The following NCOR1 variants were observed in gnomAD, a reference collection of about 807,000 sequenced individuals.
NCOR1 encodes the protein protein phosphatase 1, regulatory subunit 109.
A neutral mutation model predicts 288.1 loss-of-function variants in NCOR1; 63 were observed. The observed-to-expected ratio is 0.22, with a 90% CI of 0.18 to 0.27. The LOEUF (loss-of-function observed/expected upper bound fraction) is 0.27. Ranked by LOEUF, NCOR1 falls within the 10% of genes least tolerant of loss-of-function variation. The pLI is 1.00. For missense variants in NCOR1, 2,397 were observed against 3,019.2 expected, an observed-to-expected ratio of 0.79 and a Z score of 4.83; for synonymous variants, 1,007 against 1,065.9, an observed-to-expected ratio of 0.94 and a Z score of 1.08.
At chr17:16,182,505 A>T (rs1352086311) in intron 3 of NCOR1, among the ~76,000 whole-genome samples, 1 of 152,124 alleles carries the variant, frequency 6.6e-6, no homozygotes, top group East Asian at 1.9e-4. Flanking sequence ...CCCAGGATGG[A>T]GTCCAGTGGC....
chr17:16,201,784 T>C (rs1194138926), intron 1 of NCOR1, among the ~76,000 whole-genome samples: 2 of 151,878 alleles, frequency 1.3e-5, no homozygotes, highest in African/African-American at 2.4e-5. Flanking sequence ...ACTCAACTTA[T>C]AAGAACAAAC....
intron 1 of NCOR1, among the ~76,000 whole-genome samples, chr17:16,207,000 G>A (rs2091587212): frequency 6.6e-6 from 1 of 151,998 alleles, no homozygotes; most frequent in Non-Finnish European, 1.5e-5. Context: ...GATTTTGTGT[G>A]AATATAAAGT....
At chr17:16,117,169 A>G (rs1367072139) in intron 18 of NCOR1, among the ~76,000 whole-genome samples, 1 of 152,218 alleles carries the variant, frequency 6.6e-6, no homozygotes, top group Non-Finnish European at 1.5e-5. Context: ...AATGTCTAAT[A>G]TACCAAATCA....
chr17:16,076,665 C>G (rs1294673754), intron 26 of NCOR1, among the ~76,000 whole-genome samples: 1 of 152,148 alleles, frequency 6.6e-6, no homozygotes, highest in Non-Finnish European at 1.5e-5. Context: ...AACAACAAAC[C>G]ATTTCTCAAC....
chr17:16,052,765 G>T (rs889356567), intron 40 of NCOR1, among the ~76,000 whole-genome samples: 1 of 152,138 alleles, frequency 6.6e-6, no homozygotes, highest in Non-Finnish European at 1.5e-5. Flanking sequence ...GCATCATCCT[G>T]ATACCAAAAC....
Position 16,075,598 on chromosome 17 carries a change from C to T in NCOR1, c.3606G>A (p.Glu1202=), listed in dbSNP as rs2152769722. 3 of 1,614,244 alleles carry T rather than the reference C, an allele frequency of 1.9e-6. No homozygotes were observed. The highest frequency in any genetic ancestry group is 1.1e-5 in the South Asian group (1 of 91,090). The change falls in exon 27 of 46, where the codon GAG becomes GAA. Residue 1202 remains glutamate, a synonymous_variant. Transcript: ENST00000268712. ...TAACATGGCCTTTGGATGCAGCTTCCTCTCTGCCTTTCTCAGGACTGCTGT... is the reference window on the plus strand; with the variant it reads ...TAACATGGCCTTTGGATGCAGCTTCTTCTCTGCCTTTCTCAGGACTGCTGT... The part of the protein sequence containing the change: ...IEDSSPEKGR[E]EAASKGHVIY...
At position 16,121,108 on chromosome 17, in the gene NCOR1, G is replaced by C; in HGVS notation, c.1796C>G (p.Ala599Gly). 1.2e-6 allele frequency: 2 copies of C among 1,614,130 alleles called. No homozygotes were observed. Among genetic ancestry groups the C allele is most frequent in the Non-Finnish European group, 1.7e-6 (2 of 1,179,990 alleles). ...GGGCTCTTCAGTAGCCGCTGCGGCT[G>C]CAGCACTGGCAGCTGCAGCTTCGTT... ...MTNEAAAASA[A>G]AAAATEEPPP... Residue 599 changes from alanine to glycine, a missense_variant, in exon 16 of 46, where the codon GCA becomes GGA. By Grantham distance (60) the Ala-to-Gly change is moderately conservative. Transcript: ENST00000268712.
intron 18 of NCOR1, 27 bp from the exon 19 acceptor site, chr17:16,108,939 T>C (rs776818911): frequency 5.8e-5 from 88 of 1,516,028 alleles, no homozygotes; most frequent in Non-Finnish European, 7.7e-5. Flanking sequence ...TATTATTTGA[T>C]TTAAATAACT....
At chr17:16,112,569 C>T (rs2070519788) in intron 18 of NCOR1, among the ~76,000 whole-genome samples, 1 of 152,160 alleles carries the variant, frequency 6.6e-6, no homozygotes, top group African/African-American at 2.4e-5. Flanking sequence ...GATCTCAGCT[C>T]ACTGCAACCT....
chr17:16,170,793 AT>A (rs2082999681), intron 4 of NCOR1, among the ~76,000 whole-genome samples: 1 of 151,370 alleles, frequency 6.6e-6, no homozygotes, highest in Non-Finnish European at 1.5e-5. Context: ...GTGAGCCAAG[AT>A]CGCGCCACTG....
At chr17:16,069,635 C>T (rs985660043) in intron 31 of NCOR1, among the ~76,000 whole-genome samples, 4 of 152,154 alleles carry the variant, frequency 2.6e-5, no homozygotes, top group Non-Finnish European at 5.9e-5. Context: ...CGTAAATACT[C>T]GGCACCATTC....
At chr17:16,186,424 G>T in intron 3 of NCOR1, 130 bp downstream of exon 3, 1 of 951,930 alleles carries the variant, frequency 1.1e-6, no homozygotes, top group Non-Finnish European at 1.5e-6. Context: ...CAACAAAAAA[G>T]AACTCAAAAT....
chr17:16,149,369 A>T (rs754173077), intron 9 of NCOR1, 82 bp downstream of exon 9: 1 of 656,186 alleles, frequency 1.5e-6, no homozygotes, highest in Non-Finnish European at 2.5e-6. Context: ...GACCACTCTC[A>T]TTAACAGTAG....
intron 2 of NCOR1, among the ~76,000 whole-genome samples, chr17:16,188,610 C>CAA (rs1162863937): frequency 7.5e-6 from 1 of 132,722 alleles, no homozygotes. Flanking sequence ...GACTCCATCT[C>CAA]AAAAAAAAAA....
chr17:16,107,314 T>G (rs79123896), intron 19 of NCOR1, among the ~76,000 whole-genome samples: 1 of 152,088 alleles, frequency 6.6e-6, no homozygotes, highest in Non-Finnish European at 1.5e-5. Flanking sequence ...AGACGAGGCC[T>G]TTAAGGAGAT....
At chr17:16,175,705 T>C (rs928776290) in intron 3 of NCOR1, among the ~76,000 whole-genome samples, 3 of 151,884 alleles carry the variant, frequency 2.0e-5, no homozygotes, top group East Asian at 1.9e-4. Flanking sequence ...CCAGGCAATA[T>C]AGCAACTCTG....
rs781530385 is a variant in NCOR1, at chr17:16,048,980, C to T, written c.6401G>A (p.Gly2134Glu). The T allele has an allele frequency of 1.9e-6, 3 of 1,607,864 alleles. No individual in the cohort carries two copies. The South Asian group carries it at 3.3e-5, about 18-fold the overall frequency. ...GACGTGACTCCTCTCTGGGGATTTT[C>T]CAGGCCTACTATTGTAATATGTGAA... ...LVDKSRGSRP[G>E]KSPERSHVSS... The change falls in exon 41 of 46, where the codon GGA becomes GAA. Residue 2134 changes from glycine to glutamate, a missense_variant. By Grantham distance (98) the Gly-to-Glu change is moderately conservative. Coordinates refer to ENST00000268712, the MANE Select transcript of NCOR1 (RefSeq NM_006311.4).
rs1378118466 is a variant in NCOR1 at position 16,053,580 on chromosome 17, G to T, written c.6392+3934C>A. ...AATGAAAAAACATTCCATGCTCATG[G>T]ATAGGAAGAATCAATATCATTAAAA... On this transcript the variant is annotated intron_variant, in intron 40 of 45. Transcript: ENST00000268712. 2.0e-5 allele frequency among the ~76,000 whole-genome samples: 3 copies of T among 152,180 alleles called. No homozygotes were observed. In the South Asian group the frequency reaches 6.2e-4, roughly 31 times the overall value.
intron 31 of NCOR1, 111 bp downstream of exon 31, chr17:16,070,054 T>A: frequency 7.3e-7 from 1 of 1,372,760 alleles, no homozygotes; most frequent in African/African-American, 1.5e-5. Context: ...GACCTGTAGA[T>A]CTTGGGATAC....
Sources: allele counts gnomAD v4.1 joint callset (sites outside exome capture counted in the v4.1 genomes callset), GRCh38; gene constraint gnomAD v4.1.1; transcripts MANE v1.5; gene names NCBI Gene and HGNC (gene_info 2026-07-23, HGNC 2026-07-21).